The following GRM3 variants were observed in gnomAD, a reference collection of about 807,000 sequenced individuals.
The protein encoded by GRM3 is glutamate metabotropic receptor 3.
A neutral mutation model predicts 70.5 loss-of-function variants in GRM3; 26 were observed. The ratio of observed to expected loss-of-function variants is 0.37; its 90% confidence interval spans 0.27 to 0.51. The LOEUF (loss-of-function observed/expected upper bound fraction) is 0.51, where lower values mean the gene tolerates loss of function less well. GRM3 is among the 20% of genes least tolerant of loss of function. The probability of loss-of-function intolerance (pLI) is 0.93; values close to 1 mark genes in which losing one functional copy is unlikely to be tolerated. For missense variants in GRM3, 859 were observed against 1,123.8 expected, an observed-to-expected ratio of 0.76 and a Z score of 3.37; for synonymous variants, 443 against 434.9, an observed-to-expected ratio of 1.02 and a Z score of -0.23.
chr7:86,791,115 A>T (rs955469942), intron 3 of GRM3, among the ~76,000 whole-genome samples: 10 of 152,110 alleles, frequency 6.6e-5, no homozygotes, highest in African/African-American at 1.9e-4. Flanking sequence ...AGTTAACCCA[A>T]ACTTACGTTT....
chr7:86,736,965 T>C (rs140892627), intron 1 of GRM3, among the ~76,000 whole-genome samples: 1 of 151,678 alleles, frequency 6.6e-6, no homozygotes, highest in Non-Finnish European at 1.5e-5. Flanking sequence ...AAAAAACAAA[T>C]ACATTTATTT....
At chr7:86,664,765 C>A (rs1489599679) in intron 1 of GRM3, among the ~76,000 whole-genome samples, 1 of 151,924 alleles carries the variant, frequency 6.6e-6, no homozygotes, top group Non-Finnish European at 1.5e-5. Context: ...AACACAACTG[C>A]AAGATTCAAC....
intron 2 of GRM3, chr7:86,775,356 C>T (rs541478267): frequency 6.6e-6 from 1 of 152,066 alleles, no homozygotes; most frequent in Admixed American, 6.6e-5. Context: ...TTCAAGTAGG[C>T]TCCATTTGTT....
At chr7:86,833,863 A>G (rs1285906874) in intron 3 of GRM3, among the ~76,000 whole-genome samples, 1 of 152,134 alleles carries the variant, frequency 6.6e-6, no homozygotes, top group Non-Finnish European at 1.5e-5. Context: ...CATTTGAAGT[A>G]ATTTGTTTTA....
At chr7:86,848,142 T>C (rs1257951831) in intron 4 of GRM3, among the ~76,000 whole-genome samples, 3 of 152,200 alleles carry the variant, frequency 2.0e-5, no homozygotes, top group Non-Finnish European at 4.4e-5. Context: ...TGCTTTTAGG[T>C]AACATAAGGT....
In GRM3 at chr7:86,786,599, G is replaced by A. The variant is rs190728505; in HGVS notation, c.807G>A (p.Ala269=). 1.1e-5 allele frequency: 17 copies of A among 1,613,546 alleles called. No individual in the cohort carries two copies. In the Admixed American group the frequency reaches 2.2e-4, roughly 21 times the overall value. ...GAGAACTGTTGCAGAAGCCCAACGCGCGCGTCGTGGTCCTCTTCATGCGCA... is the reference window on the plus strand; with the variant it reads ...GAGAACTGTTGCAGAAGCCCAACGCACGCGTCGTGGTCCTCTTCATGCGCA... The part of the protein sequence containing the change: ...VIRELLQKPN[A]RVVVLFMRSD... Residue 269 remains alanine, a synonymous_variant, in exon 3 of 6, where the codon GCG becomes GCA. Transcript: ENST00000361669. This position sits in a 1 kb window ranked among gnomAD's most constrained non-coding sequence, Gnocchi z 6.0.
chr7:86,753,473 T>C (rs888614394), intron 1 of GRM3, among the ~76,000 whole-genome samples: 1 of 152,124 alleles, frequency 6.6e-6, no homozygotes, highest in Non-Finnish European at 1.5e-5. Context: ...TTATTTTACA[T>C]TGTAACCCAG....
At position 86,694,463 on chromosome 7, in the gene GRM3, G is replaced by A. The variant is rs538674971; in HGVS notation, c.-141+49591G>A. ...GGAAGTGGGGCTTGCAGTTAGCCGA[G>A]ATGGCACCACTGCACTCCAGCCTGG... On this transcript the variant is annotated intron_variant, in intron 1 of 5. Coordinates refer to ENST00000361669, the MANE Select transcript of GRM3 (RefSeq NM_000840.3). Among the ~76,000 whole-genome samples the A allele has an allele frequency of 8.2e-5, 11 of 134,474 alleles. 1 individual carries two copies. The highest frequency in any genetic ancestry group is 2.8e-4 in the African/African-American group (10 of 35,344). 88.2% of individuals were successfully genotyped at this position (134,474 alleles called of 152,430 possible).
intron 1 of GRM3, among the ~76,000 whole-genome samples, chr7:86,662,626 G>A (rs577759793): frequency 6.6e-6 from 1 of 151,888 alleles, no homozygotes; most frequent in Admixed American, 6.6e-5. Context: ...GTCTTATAAT[G>A]TCAGTCATCG....
intron 1 of GRM3, among the ~76,000 whole-genome samples, chr7:86,668,844 G>C (rs561997806): frequency 1.3e-5 from 2 of 152,086 alleles, no homozygotes; most frequent in African/African-American, 4.8e-5. Context: ...GAAATGGGAG[G>C]AAGTATATCT....
chr7:86,662,518 G>A (rs1054134185), intron 1 of GRM3, among the ~76,000 whole-genome samples: 1 of 151,758 alleles, frequency 6.6e-6, no homozygotes, highest in African/African-American at 2.4e-5. Context: ...TATAGTGTTT[G>A]CCTTTGTATC....
intron 1 of GRM3, among the ~76,000 whole-genome samples, chr7:86,690,721 G>A (rs1794677551): frequency 6.6e-6 from 1 of 151,994 alleles, no homozygotes; most frequent in African/African-American, 2.4e-5. Context: ...TTGCCGAGTG[G>A]GAATCAAGAG....
rs148232277 is a variant in GRM3 at position 86,758,355 on chromosome 7, G to A, written c.-140-6651G>A. 5.9e-5 allele frequency among the ~76,000 whole-genome samples: 9 copies of A among 152,132 alleles called. No homozygotes were observed. In the South Asian group the frequency reaches 6.2e-4, roughly 11 times the overall value. On this transcript the variant is annotated intron_variant, in intron 1 of 5. Transcript: ENST00000361669. ...TTTGAGAAATCCAGTTTCTACACTCGGTTTATGCTGACAAACCTGAAACTT... is the reference window on the plus strand; with the variant it reads ...TTTGAGAAATCCAGTTTCTACACTCAGTTTATGCTGACAAACCTGAAACTT...
chr7:86,688,832 A>ATG (rs1562826268), intron 1 of GRM3, among the ~76,000 whole-genome samples: 2 of 147,696 alleles, frequency 1.4e-5, no homozygotes, highest in African/African-American at 2.5e-5. Context: ...ATATATATAT[A>ATG]TGTGTTGACT....
intron 1 of GRM3, among the ~76,000 whole-genome samples, chr7:86,740,196 C>A (rs1378908716): frequency 6.6e-6 from 1 of 152,024 alleles, no homozygotes; most frequent in African/African-American, 2.4e-5. Flanking sequence ...AAAAAAGTTC[C>A]ATTTGTGAAG....
intron 1 of GRM3, among the ~76,000 whole-genome samples, chr7:86,682,747 G>A (rs948031704): frequency 6.6e-6 from 1 of 151,906 alleles, no homozygotes; most frequent in Admixed American, 6.6e-5. Context: ...ACTATTTATT[G>A]AGCTCTTGCA....
At chr7:86,753,562 A>C (rs1372132488) in intron 1 of GRM3, among the ~76,000 whole-genome samples, 1 of 152,118 alleles carries the variant, frequency 6.6e-6, no homozygotes, top group Non-Finnish European at 1.5e-5. Context: ...TAAATGCCTT[A>C]TATTCATATT....
chr7:86,832,038 A>G (rs1446107109), intron 3 of GRM3, among the ~76,000 whole-genome samples: 9 of 152,016 alleles, frequency 5.9e-5, no homozygotes, highest in Non-Finnish European at 1.2e-4. Flanking sequence ...ATTCTTTCCT[A>G]TCTTCTTGCT....
chr7:86,764,007 G>A (rs904932264), intron 1 of GRM3, among the ~76,000 whole-genome samples: 1 of 152,072 alleles, frequency 6.6e-6, no homozygotes, highest in Non-Finnish European at 1.5e-5. Flanking sequence ...GTGGCTAATT[G>A]AAAGATGGTA....
Sources: allele counts gnomAD v4.1 joint callset (sites outside exome capture counted in the v4.1 genomes callset), GRCh38; gene constraint gnomAD v4.1.1; non-coding constraint Gnocchi (gnomAD v3.1); transcripts MANE v1.5; gene names NCBI Gene and HGNC (gene_info 2026-07-23, HGNC 2026-07-21).